ABCA12: variants seen among roughly 807,000 people sequenced by gnomAD.
ABCA12 encodes the protein glucosylceramide transporter ABCA12.
ABCA12 carries 156 observed loss-of-function variants against 293.5 expected under a neutral mutation model. The ratio of observed to expected loss-of-function variants is 0.53; its 90% CI spans 0.47 to 0.61. The LOEUF (loss-of-function observed/expected upper bound fraction) is 0.61. Among genes scored for constraint, ABCA12 ranks in the 20% least tolerant of loss-of-function variants. The pLI is 0.00. For synonymous variants in ABCA12, 1,063 were observed against 1,108.0 expected, an observed-to-expected ratio of 0.96 and a Z score of 0.81; for missense variants, 2,797 against 3,090.2, an observed-to-expected ratio of 0.91 and a Z score of 2.25.
chr2:214,982,445 T>TA, intron 29 of ABCA12, 62 bp from the exon 30 acceptor site: 1 of 1,395,548 alleles, frequency 7.2e-7, no homozygotes, highest in South Asian at 1.2e-5. Context: ...ACTGGAAACA[T>TA]ACAATAACCC....
intron 2 of ABCA12, among the ~76,000 whole-genome samples, chr2:215,099,329 T>A (rs1241560201): frequency 6.6e-6 from 1 of 152,198 alleles, no homozygotes; most frequent in Non-Finnish European, 1.5e-5. Context: ...ATGACTGACG[T>A]CCTAGCCCAA....
chr2:215,037,483 T>G (rs1701017080), intron 7 of ABCA12, among the ~76,000 whole-genome samples: 1 of 152,218 alleles, frequency 6.6e-6, no homozygotes, highest in African/African-American at 2.4e-5. Flanking sequence ...GTTTCAGGAA[T>G]AATTATTATT....
chr2:214,972,248 A>G (rs1041923120), intron 36 of ABCA12, among the ~76,000 whole-genome samples: 1 of 152,066 alleles, frequency 6.6e-6, no homozygotes, highest in Non-Finnish European at 1.5e-5. Flanking sequence ...TTCTCTCTCA[A>G]AAAACTTAGT....
intron 45 of ABCA12, among the ~76,000 whole-genome samples, chr2:214,949,574 T>C (rs1483097460): frequency 6.6e-6 from 1 of 152,178 alleles, no homozygotes; most frequent in Non-Finnish European, 1.5e-5. Flanking sequence ...TTCTTCGTAC[T>C]GTCAAATTTG....
At chr2:214,949,375 TATAC>T (rs1206725482) in intron 45 of ABCA12, among the ~76,000 whole-genome samples, 20 of 148,356 alleles carry the variant, frequency 1.3e-4, no homozygotes, top group Admixed American at 4.7e-4. Flanking sequence ...TATATATATA[TATAC>T]ACACACACAC....
Position 215,045,998 on chromosome 2 carries a change from G to T in ABCA12, c.711C>A (p.Asn237Lys), listed in dbSNP as rs1334407750. ...KQFSQLSSDP[N>K]NQKIVFQEIV... Reference sequence around the variant, plus strand: ...TTTCCTGAAACACTATCTTCTGATTGTTGGGGTCACTGGATAGCTTAAAAT... The same window carrying T: ...TTTCCTGAAACACTATCTTCTGATTTTTGGGGTCACTGGATAGCTTAAAAT... The change falls in exon 7 of 53, where the codon AAC becomes AAA. Residue 237 changes from asparagine (N) to lysine (K), a missense_variant. Coordinates refer to ENST00000272895, the MANE Select transcript of ABCA12 (RefSeq NM_173076.3). 20 of 1,613,572 alleles carry T rather than the reference G, an allele frequency of 1.2e-5. No homozygotes were observed. Among genetic ancestry groups the T allele is most frequent in the Admixed American group, 1.7e-5 (1 of 59,962 alleles).
At chr2:214,974,961 G>A (rs1342446266) in intron 34 of ABCA12, 97 bp from the exon 35 acceptor site, 2 of 1,161,314 alleles carry the variant, frequency 1.7e-6, no homozygotes, top group African/African-American at 3.1e-5. Context: ...GTATATAGAA[G>A]GGTTTTCTTT....
At chr2:214,949,892 G>A (rs771248396) in intron 45 of ABCA12, among the ~76,000 whole-genome samples, 13 of 152,122 alleles carry the variant, frequency 8.5e-5, no homozygotes, top group African/African-American at 2.4e-4. Flanking sequence ...AATTCCCTCC[G>A]CCAAGCGGGA....
intron 16 of ABCA12, 141 bp downstream of exon 16, chr2:215,011,830 G>A: frequency 8.6e-7 from 1 of 1,156,174 alleles, no homozygotes; most frequent in South Asian, 1.3e-5. Context: ...GTGGCAAAAA[G>A]TGTTGCTAGG....
chr2:215,001,963 A>G (rs1158465746), intron 20 of ABCA12, among the ~76,000 whole-genome samples: 1 of 152,202 alleles, frequency 6.6e-6, no homozygotes, highest in African/African-American at 2.4e-5. Flanking sequence ...CCTAGGTTCT[A>G]AGAAAGATAC....
At chr2:215,032,875 T>C (rs1700909721) in intron 8 of ABCA12, among the ~76,000 whole-genome samples, 1 of 152,226 alleles carries the variant, frequency 6.6e-6, no homozygotes, top group Admixed American at 6.5e-5. Context: ...TAGTGCAACC[T>C]AAAGCCTTCT....
At chr2:214,972,602 C>G (rs1409178893) in intron 36 of ABCA12, among the ~76,000 whole-genome samples, 1 of 151,974 alleles carries the variant, frequency 6.6e-6, no homozygotes, top group Non-Finnish European at 1.5e-5. Context: ...GAGATGAGGT[C>G]TCACTGTGTT....
At chr2:215,128,389 T>A (rs1159464922) in intron 1 of ABCA12, among the ~76,000 whole-genome samples, 1 of 152,234 alleles carries the variant, frequency 6.6e-6, no homozygotes, top group Admixed American at 6.5e-5. Context: ...CCCCTAAATG[T>A]GTTTTCCAAG....
chr2:215,094,749 T>C (rs1280050759), intron 2 of ABCA12, among the ~76,000 whole-genome samples: 1 of 152,198 alleles, frequency 6.6e-6, no homozygotes, highest in African/African-American at 2.4e-5. Flanking sequence ...ATGTGCTTTC[T>C]AATACACCAT....
intron 52 of ABCA12, among the ~76,000 whole-genome samples, chr2:214,933,314 C>T (rs963926282): frequency 6.6e-6 from 1 of 152,094 alleles, no homozygotes; most frequent in African/African-American, 2.4e-5. Flanking sequence ...CTGTATTTTG[C>T]CATGGTGCTG....
intron 1 of ABCA12, 44 bp downstream of exon 1, chr2:215,138,096 G>A (rs373991116): frequency 2.6e-5 from 41 of 1,558,668 alleles, no homozygotes; most frequent in Admixed American, 8.3e-5. Context: ...ATTACCTGGC[G>A]TATTGCCCCA....
chr2:214,933,341 C>T (rs1054542508), intron 52 of ABCA12, among the ~76,000 whole-genome samples: 2 of 152,054 alleles, frequency 1.3e-5, no homozygotes, highest in Non-Finnish European at 2.9e-5. Flanking sequence ...GGTCATAAGT[C>T]GAAGACTAAG....
At chr2:214,937,241 C>G (rs1239928030) in intron 51 of ABCA12, among the ~76,000 whole-genome samples, 1 of 152,162 alleles carries the variant, frequency 6.6e-6, no homozygotes, top group Non-Finnish European at 1.5e-5. Context: ...CTTTGTCACC[C>G]AGGCTGGAGT....
At chr2:214,967,622 GAGAGA>G (rs750054759) in intron 38 of ABCA12, among the ~76,000 whole-genome samples, 16 of 152,106 alleles carry the variant, frequency 1.1e-4, no homozygotes, top group Non-Finnish European at 1.9e-4. Context: ...TGTGTGGAGA[GAGAGA>G]AGAGAGGAAG....
Sources: allele counts gnomAD v4.1 joint callset (sites outside exome capture counted in the v4.1 genomes callset), GRCh38; gene constraint gnomAD v4.1.1; transcripts MANE v1.5; gene names NCBI Gene and HGNC (gene_info 2026-07-23, HGNC 2026-07-21).